Variants in IMMP2L observed in about 807,000 individuals in gnomAD.
IMMP2L encodes inner mitochondrial membrane peptidase subunit 2.
A neutral mutation model predicts 19.3 loss-of-function variants in IMMP2L; 18 were observed. That is an observed-to-expected ratio of 0.93 (90% CI 0.64 to 1.38). The LOEUF is 1.38. Ranked by LOEUF, IMMP2L falls within the 40% of genes most tolerant of loss-of-function variation. IMMP2L has a pLI of 0.00. For missense variants in IMMP2L, 233 were observed against 218.2 expected (o/e 1.07, Z -0.43); for synonymous variants, 76 against 73.0 (o/e 1.04, Z -0.21).
chr7:110,702,879 T>C (rs985101095), intron 5 of IMMP2L, among the ~76,000 whole-genome samples: 1 of 152,172 alleles, frequency 6.6e-6, no homozygotes, highest in African/African-American at 2.4e-5. Flanking sequence ...CTTCCTAATC[T>C]GTATTCTCTC....
intron 3 of IMMP2L, among the ~76,000 whole-genome samples, chr7:111,079,052 A>C (rs1795656726): frequency 6.6e-6 from 1 of 152,174 alleles, no homozygotes; most frequent in East Asian, 1.9e-4. Context: ...ACATTAATTT[A>C]GTTAAATAAC....
At chr7:111,484,710 A>C (rs1374202892) in intron 3 of IMMP2L, among the ~76,000 whole-genome samples, 7 of 152,196 alleles carry the variant, frequency 4.6e-5, no homozygotes, top group Admixed American at 2.6e-4. Flanking sequence ...AACCAACATC[A>C]ATCTTCTAAA....
At chr7:111,541,509 T>A (rs1406150521) in intron 1 of IMMP2L, among the ~76,000 whole-genome samples, 1 of 152,204 alleles carries the variant, frequency 6.6e-6, no homozygotes, top group Non-Finnish European at 1.5e-5. Context: ...ATTATTTTTA[T>A]ACTGGTCACT....
chr7:111,396,839 C>A (rs28457165), intron 3 of IMMP2L, among the ~76,000 whole-genome samples: 3,524 of 152,064 alleles, frequency 0.023, 137 homozygotes, highest in African/African-American at 0.08. Flanking sequence ...AATCCCAGCA[C>A]TTTGGGAGGC....
chr7:111,187,704 GT>G (rs948167537), intron 3 of IMMP2L, among the ~76,000 whole-genome samples: 2 of 152,112 alleles, frequency 1.3e-5, no homozygotes, highest in African/African-American at 4.8e-5. Context: ...GGCAGGTATT[GT>G]TTTAAGTGCT....
chr7:111,376,430 T>C (rs1483944241), intron 3 of IMMP2L, among the ~76,000 whole-genome samples: 1 of 152,000 alleles, frequency 6.6e-6, no homozygotes, highest in African/African-American at 2.4e-5. Context: ...ACGGAGGAAG[T>C]GAACCCCATA....
At chr7:110,866,746 A>G (rs1038810791) in intron 5 of IMMP2L, among the ~76,000 whole-genome samples, 1 of 152,142 alleles carries the variant, frequency 6.6e-6, no homozygotes, top group South Asian at 2.1e-4. Context: ...CAAAGGAGTA[A>G]ATCCCAAATC....
intron 3 of IMMP2L, among the ~76,000 whole-genome samples, chr7:111,406,009 T>C (rs1833874613): frequency 6.6e-6 from 1 of 152,066 alleles, no homozygotes; most frequent in African/African-American, 2.4e-5. Flanking sequence ...CTAAGGTGCA[T>C]AGCTTTAAAT....
intron 3 of IMMP2L, among the ~76,000 whole-genome samples, chr7:111,143,455 C>T (rs1211272085): frequency 6.6e-6 from 1 of 152,084 alleles, no homozygotes; most frequent in Non-Finnish European, 1.5e-5. Flanking sequence ...TGAGATGTTC[C>T]CCGTGAAAGA....
At position 111,466,816 on chromosome 7, in the gene IMMP2L, C is replaced by G. The variant is rs142377236; in HGVS notation, c.239+20422G>C. 5.8e-3 allele frequency among the ~76,000 whole-genome samples: 889 copies of G among 152,152 alleles called. 13 individuals carry two copies. The highest frequency in any genetic ancestry group is 0.02 in the African/African-American group (822 of 41,506). Reference sequence around the variant, plus strand: ...CCCTCTTATTATTCCCTAAAAAATACAGTGTAACAACTATTTACATAGCAT... The same window carrying G: ...CCCTCTTATTATTCCCTAAAAAATAGAGTGTAACAACTATTTACATAGCAT... On this transcript the variant is annotated intron_variant, in intron 3 of 5. Transcript: ENST00000405709.
intron 3 of IMMP2L, among the ~76,000 whole-genome samples, chr7:111,354,169 A>C (rs972893323): frequency 3.9e-5 from 6 of 152,072 alleles, no homozygotes; most frequent in African/African-American, 1.2e-4. Flanking sequence ...TATAGGTACA[A>C]ATTTTCCAAA....
intron 2 of IMMP2L, among the ~76,000 whole-genome samples, chr7:111,487,804 A>G (rs931649481): frequency 6.6e-6 from 1 of 152,138 alleles, no homozygotes; most frequent in East Asian, 1.9e-4. Flanking sequence ...GAAGGGGGCA[A>G]AAGAAAGATG....
chr7:110,999,001 A>G (rs554588545), intron 3 of IMMP2L, among the ~76,000 whole-genome samples: 1 of 152,164 alleles, frequency 6.6e-6, no homozygotes, highest in Non-Finnish European at 1.5e-5. Flanking sequence ...TTGGAGGTGC[A>G]TATACCATAA....
At chr7:111,382,386 A>G (rs1217497460) in intron 3 of IMMP2L, among the ~76,000 whole-genome samples, 2 of 152,114 alleles carry the variant, frequency 1.3e-5, no homozygotes, top group African/African-American at 2.4e-5. Context: ...GGCAAGTCAG[A>G]GATCACTGAT....
At chr7:111,035,715 G>A (rs189777398) in intron 3 of IMMP2L, among the ~76,000 whole-genome samples, 97 of 152,160 alleles carry the variant, frequency 6.4e-4, no homozygotes, top group Middle Eastern at 3.4e-3. Flanking sequence ...TGCACATCAC[G>A]TTAGATAACA....
intron 3 of IMMP2L, among the ~76,000 whole-genome samples, chr7:111,128,657 T>C (rs988971092): frequency 6.6e-6 from 1 of 152,108 alleles, no homozygotes; most frequent in African/African-American, 2.4e-5. Flanking sequence ...AAACTCCGTC[T>C]CTACTAAAAA....
intron 5 of IMMP2L, among the ~76,000 whole-genome samples, chr7:110,688,041 G>C (rs1793240983): frequency 6.6e-6 from 1 of 151,958 alleles, no homozygotes; most frequent in Non-Finnish European, 1.5e-5. Flanking sequence ...ACAGTCCCTG[G>C]AGAAGAAATG....
chr7:110,735,544 C>T (rs1203186129), intron 5 of IMMP2L, among the ~76,000 whole-genome samples: 1 of 151,594 alleles, frequency 6.6e-6, no homozygotes, highest in Non-Finnish European at 1.5e-5. Context: ...CCTTTAATCC[C>T]AGCAATTTGT....
intron 5 of IMMP2L, among the ~76,000 whole-genome samples, chr7:110,730,529 TTTC>T (rs1306695680): frequency 6.6e-6 from 1 of 151,854 alleles, no homozygotes; most frequent in Non-Finnish European, 1.5e-5. Context: ...TCCTTTTCTT[TTTC>T]TTTTTTTTTT....
Sources: allele counts gnomAD v4.1 joint callset (sites outside exome capture counted in the v4.1 genomes callset), GRCh38; gene constraint gnomAD v4.1.1; transcripts MANE v1.5; gene names NCBI Gene and HGNC (gene_info 2026-07-23, HGNC 2026-07-21).